The following ADGRA3 variants were observed in gnomAD, a reference collection of about 807,000 sequenced individuals.
ADGRA3 encodes the protein adhesion G protein-coupled receptor A3.
A neutral mutation model predicts 119.8 loss-of-function variants in ADGRA3; 56 were observed. The ratio of observed to expected loss-of-function variants is 0.47; its 90% confidence interval spans 0.38 to 0.58. ADGRA3 has a LOEUF of 0.58. Ranked by LOEUF, ADGRA3 falls within the 20% of genes least tolerant of loss-of-function variation. The pLI is 0.00. For synonymous variants in ADGRA3, 607 were observed against 623.8 expected, an observed-to-expected ratio of 0.97 and a Z score of 0.40; for missense variants, 1,516 against 1,649.0, an observed-to-expected ratio of 0.92 and a Z score of 1.40.
intron 12 of ADGRA3, among the ~76,000 whole-genome samples, chr4:22,419,436 T>A (rs1182391911): frequency 1.3e-5 from 2 of 152,180 alleles, no homozygotes; most frequent in African/African-American, 2.4e-5. Flanking sequence ...TGTCCACCTA[T>A]GAAGCATGAA....
chr4:22,510,231 TTC>T (rs1228882762), intron 1 of ADGRA3, among the ~76,000 whole-genome samples: 4 of 152,060 alleles, frequency 2.6e-5, no homozygotes, highest in Admixed American at 6.5e-5. Flanking sequence ...CCCATCCCAC[TTC>T]TCTTTTCAGG....
chr4:22,455,854 C>T (rs1038774915), intron 3 of ADGRA3: 31 of 1,283,334 alleles, frequency 2.4e-5, no homozygotes, highest in Non-Finnish European at 2.9e-5. Flanking sequence ...TGGACTTAGC[C>T]CTATGCAAGA....
intron 1 of ADGRA3, 86 bp downstream of exon 1, chr4:22,515,442 T>TGCC: frequency 6.8e-7 from 1 of 1,469,040 alleles, no homozygotes; most frequent in Non-Finnish European, 9.1e-7. Flanking sequence ...GGCGCGTGGG[T>TGCC]GCCGGCTGGA....
intron 2 of ADGRA3, among the ~76,000 whole-genome samples, chr4:22,467,333 TC>T (rs1258053663): frequency 6.6e-6 from 1 of 152,180 alleles, no homozygotes. Context: ...ACTTATTAGT[TC>T]CTATCTCCCT....
intron 1 of ADGRA3, among the ~76,000 whole-genome samples, chr4:22,481,488 C>T (rs1327097554): frequency 1.3e-5 from 2 of 152,148 alleles, no homozygotes; most frequent in Admixed American, 1.3e-4. Flanking sequence ...AGAACAATAC[C>T]TCATGACACA....
chr4:22,489,305 T>A (rs1718545052), intron 1 of ADGRA3, among the ~76,000 whole-genome samples: 2 of 152,032 alleles, frequency 1.3e-5, no homozygotes, highest in South Asian at 4.2e-4. Flanking sequence ...CCATAACACG[T>A]GAAAATTATG....
At chr4:22,390,451 A>G (rs1292049153) in intron 17 of ADGRA3, among the ~76,000 whole-genome samples, 2 of 115,434 alleles carry the variant, frequency 1.7e-5, no homozygotes, top group African/African-American at 6.7e-5. Flanking sequence ...TATATAAAAT[A>G]CGTATTATAT....
At chr4:22,500,076 T>G (rs546291315) in intron 1 of ADGRA3, among the ~76,000 whole-genome samples, 1 of 152,190 alleles carries the variant, frequency 6.6e-6, no homozygotes, top group Non-Finnish European at 1.5e-5. Flanking sequence ...TTGGAGCATT[T>G]TGGATTTCAC....
chr4:22,489,292 C>T (rs1255004632), intron 1 of ADGRA3, among the ~76,000 whole-genome samples: 1 of 152,094 alleles, frequency 6.6e-6, no homozygotes, highest in Non-Finnish European at 1.5e-5. Context: ...CACCAGGTCC[C>T]TCCCATAACA....
chr4:22,446,621 G>C (rs1020705673), intron 5 of ADGRA3, among the ~76,000 whole-genome samples: 9 of 152,008 alleles, frequency 5.9e-5, no homozygotes, highest in African/African-American at 2.2e-4. Flanking sequence ...TACATCCCAA[G>C]GAAGACTCCT....
intron 12 of ADGRA3, among the ~76,000 whole-genome samples, chr4:22,416,295 C>T (rs1418202923): frequency 2.6e-5 from 4 of 152,092 alleles, no homozygotes; most frequent in African/African-American, 4.8e-5. Flanking sequence ...ATAACAAACA[C>T]ACGAATGAGA....
At chr4:22,427,461 T>TAAA (rs544251760) in intron 10 of ADGRA3, among the ~76,000 whole-genome samples, 6 of 144,864 alleles carry the variant, frequency 4.1e-5, no homozygotes, top group African/African-American at 1.5e-4. Context: ...TTAATAATTA[T>TAAA]AAAAAAAAAA....
intron 12 of ADGRA3, chr4:22,420,488 C>T (rs958048377): frequency 2.4e-5 from 5 of 209,890 alleles, no homozygotes; most frequent in Admixed American, 1.7e-4. Context: ...GCTTGGCAGG[C>T]GCAGTGCCAA....
At chr4:22,402,854 C>T in intron 14 of ADGRA3, 55 bp from the exon 15 acceptor site, 2 of 1,551,446 alleles carry the variant, frequency 1.3e-6, no homozygotes, top group Non-Finnish European at 8.7e-7. Context: ...CATTTAACTA[C>T]TGAGATTTTT....
intron 2 of ADGRA3, among the ~76,000 whole-genome samples, chr4:22,469,985 C>T (rs1284376842): frequency 6.6e-6 from 1 of 152,138 alleles, no homozygotes; most frequent in African/African-American, 2.4e-5. Context: ...TATGTTTCTC[C>T]CCATTACTGC....
chr4:22,448,541 G>A (rs1716910130), intron 4 of ADGRA3, among the ~76,000 whole-genome samples: 2 of 152,170 alleles, frequency 1.3e-5, no homozygotes, highest in African/African-American at 4.8e-5. Context: ...TCTGGAATCT[G>A]GGCTGAATTC....
At chr4:22,486,723 T>C (rs1362087015) in intron 1 of ADGRA3, among the ~76,000 whole-genome samples, 3 of 152,190 alleles carry the variant, frequency 2.0e-5, no homozygotes, top group Non-Finnish European at 2.9e-5. Context: ...TTACCGAGCA[T>C]TTAATAGTAA....
intron 10 of ADGRA3, among the ~76,000 whole-genome samples, chr4:22,432,363 G>A (rs958794328): frequency 6.6e-6 from 1 of 152,042 alleles, no homozygotes; most frequent in Non-Finnish European, 1.5e-5. Flanking sequence ...GATGTGTGGT[G>A]AAGTTCTACG....
intron 9 of ADGRA3, among the ~76,000 whole-genome samples, chr4:22,435,884 A>G (rs1716372866): frequency 6.6e-6 from 1 of 152,168 alleles, no homozygotes; most frequent in African/African-American, 2.4e-5. Context: ...CTTTATTGCC[A>G]TGCACTGCCA....
Sources: gnomAD v4.1 joint callset for allele counts (sites outside exome capture counted in the v4.1 genomes callset) on GRCh38, gnomAD v4.1.1 for gene constraint, MANE v1.5 for transcripts, NCBI Gene and HGNC (gene_info 2026-07-23, HGNC 2026-07-21) for gene names.